Variants in CCNY observed in about 807,000 individuals in gnomAD.
CCNY encodes cyclin Y.
In CCNY, 19 loss-of-function variants were observed where a neutral mutation model predicts 42.8. The ratio of observed to expected loss-of-function variants is 0.44; its 90% CI spans 0.31 to 0.65. The LOEUF (loss-of-function observed/expected upper bound fraction) is 0.65. CCNY is among the 30% of genes least tolerant of loss of function. The probability of loss-of-function intolerance (pLI) is 0.07; values close to 1 mark genes in which losing one functional copy is unlikely to be tolerated. For synonymous variants in CCNY, 165 were observed against 162.7 expected (o/e 1.01, Z -0.11); for missense variants, 370 against 437.3 (o/e 0.85, Z 1.37).
At chr10:35,463,518 TA>T (rs1231857535) in intron 1 of CCNY, among the ~76,000 whole-genome samples, 1 of 152,098 alleles carries the variant, frequency 6.6e-6, no homozygotes, top group Non-Finnish European at 1.5e-5. Flanking sequence ...TCGTGGAAGG[TA>T]ATAAATAGTG....
intron 3 of CCNY, among the ~76,000 whole-genome samples, chr10:35,261,239 ATT>A (rs58071660): frequency 9.8e-5 from 13 of 132,168 alleles, no homozygotes; most frequent in Admixed American, 1.5e-4. Context: ...AAAAAAAAAA[ATT>A]TTTTTTTTTT....
chr10:35,383,686 C>A (rs1837242127), intron 1 of CCNY, among the ~76,000 whole-genome samples: 1 of 152,198 alleles, frequency 6.6e-6, no homozygotes, highest in South Asian at 2.1e-4. Context: ...CTGATTGTGT[C>A]ACCTCATGTG....
In CCNY at chr10:35,299,389, T is replaced by A. The variant is rs1835507696; in HGVS notation, c.-9+48763T>A. Among the ~76,000 whole-genome samples, 3 of 152,248 alleles carry A rather than the reference T, an allele frequency of 2.0e-5. No individual in the cohort carries two copies. In the South Asian group the frequency reaches 6.2e-4, roughly 31 times the overall value. On this transcript the variant is annotated intron_variant, in intron 3 of 11. Transcript: ENST00000374706. ...GAAATATGCAACTTAAATTATGGATTTGTCTTTTTCCCCTTTCAAATTCTG... is the reference window on the plus strand; with the variant it reads ...GAAATATGCAACTTAAATTATGGATATGTCTTTTTCCCCTTTCAAATTCTG...
intron 1 of CCNY, among the ~76,000 whole-genome samples, chr10:35,345,865 G>C (rs997858499): frequency 7.2e-5 from 11 of 152,200 alleles, no homozygotes; most frequent in African/African-American, 2.4e-4. Flanking sequence ...ACTCTTCTGA[G>C]TTGCATCTTT....
At chr10:35,412,219 G>A (rs934837787) in intron 1 of CCNY, among the ~76,000 whole-genome samples, 1 of 152,202 alleles carries the variant, frequency 6.6e-6, no homozygotes, top group Non-Finnish European at 1.5e-5. Flanking sequence ...TTGTAACTTC[G>A]TTACAGGGAG....
chr10:35,300,283 A>G, intron 3 of CCNY, among the ~76,000 whole-genome samples: 1 of 152,150 alleles, frequency 6.6e-6, no homozygotes, highest in Non-Finnish European at 1.5e-5. Context: ...GTCTCATCAA[A>G]GCAGCAAGGC....
intron 1 of CCNY, among the ~76,000 whole-genome samples, chr10:35,372,963 G>A (rs1233611500): frequency 6.6e-6 from 1 of 152,212 alleles, no homozygotes; most frequent in Non-Finnish European, 1.5e-5. Context: ...CTCCCAAAGT[G>A]CTGGGATTAT....
chr10:35,489,414 C>T (rs1391614843), intron 2 of CCNY, among the ~76,000 whole-genome samples: 1 of 152,138 alleles, frequency 6.6e-6, no homozygotes, highest in African/African-American at 2.4e-5. Flanking sequence ...CATTCTCCTG[C>T]CTCAGCCTCC....
At chr10:35,317,426 CT>C (rs1450164503) in intron 3 of CCNY, among the ~76,000 whole-genome samples, 1 of 152,228 alleles carries the variant, frequency 6.6e-6, no homozygotes. Flanking sequence ...GCAATACCTA[CT>C]TTTCTACTCC....
At chr10:35,298,601 A>G (rs1018551414) in intron 3 of CCNY, among the ~76,000 whole-genome samples, 3 of 152,142 alleles carry the variant, frequency 2.0e-5, no homozygotes, top group Non-Finnish European at 4.4e-5. Flanking sequence ...CTGCAGCTTC[A>G]AACTCCTGGG....
chr10:35,301,112 T>C (rs1271278992), intron 3 of CCNY, among the ~76,000 whole-genome samples: 1 of 152,146 alleles, frequency 6.6e-6, no homozygotes, highest in Non-Finnish European at 1.5e-5. Context: ...CCGACTATTA[T>C]ACCCATTTAA....
At chr10:35,328,647 T>TA (rs1328518150) in intron 3 of CCNY, among the ~76,000 whole-genome samples, 1 of 151,920 alleles carries the variant, frequency 6.6e-6, no homozygotes, top group African/African-American at 2.4e-5. Flanking sequence ...ATGGATAAAA[T>TA]AAAAAACAGG....
At chr10:35,523,138 C>T (rs1314478770) in intron 4 of CCNY, among the ~76,000 whole-genome samples, 1 of 152,194 alleles carries the variant, frequency 6.6e-6, no homozygotes, top group African/African-American at 2.4e-5. Context: ...AACCAGGGGA[C>T]ACCATAAAAG....
At chr10:35,272,403 C>G (rs1018503036) in intron 3 of CCNY, among the ~76,000 whole-genome samples, 1 of 152,056 alleles carries the variant, frequency 6.6e-6, no homozygotes, top group African/African-American at 2.4e-5. Flanking sequence ...GATATTAGGC[C>G]TAGCGGCCAT....
chr10:35,371,782 G>A (rs1836942737), intron 1 of CCNY, among the ~76,000 whole-genome samples: 1 of 152,182 alleles, frequency 6.6e-6, no homozygotes, highest in Non-Finnish European at 1.5e-5. Context: ...GTCAGAGCTA[G>A]GGCAGGAACC....
At chr10:35,441,407 G>A (rs575939023) in intron 1 of CCNY, among the ~76,000 whole-genome samples, 8 of 152,262 alleles carry the variant, frequency 5.3e-5, no homozygotes, top group African/African-American at 1.9e-4. Context: ...TACGTTTCTT[G>A]TTTTCTTAAT....
intron 3 of CCNY, among the ~76,000 whole-genome samples, chr10:35,506,383 T>G (rs1309183998): frequency 6.6e-6 from 1 of 152,184 alleles, no homozygotes; most frequent in Non-Finnish European, 1.5e-5. Context: ...TGTTTTGTTA[T>G]TTTCTCTCTT....
intron 1 of CCNY, among the ~76,000 whole-genome samples, chr10:35,435,609 C>G (rs886459907): frequency 9.9e-5 from 15 of 152,216 alleles, no homozygotes; most frequent in Admixed American, 9.2e-4. Context: ...AAACATGGCA[C>G]AGTCAAGCTG....
At chr10:35,406,196 T>TTA in intron 1 of CCNY, among the ~76,000 whole-genome samples, 2 of 142,534 alleles carry the variant, frequency 1.4e-5, no homozygotes, top group African/African-American at 5.2e-5. Flanking sequence ...TTTTTTTCTT[T>TTA]TTTATTTTAT....
Sources: gnomAD v4.1 joint callset for allele counts (sites outside exome capture counted in the v4.1 genomes callset) on GRCh38, gnomAD v4.1.1 for gene constraint, MANE v1.5 for transcripts, NCBI Gene and HGNC (gene_info 2026-07-23, HGNC 2026-07-21) for gene names.